Variants in INO80D observed in about 807,000 individuals in gnomAD.
INO80D encodes INO80 complex subunit D.
A neutral mutation model predicts 87.6 loss-of-function variants in INO80D; 21 were observed. That is an observed-to-expected ratio of 0.24 (90% CI 0.17 to 0.35). The LOEUF is 0.35. INO80D is among the 10% of genes least tolerant of loss of function. The pLI, the probability that INO80D is intolerant of heterozygous loss-of-function variation, is 1.00. For missense variants in INO80D, 982 were observed against 1,280.7 expected (o/e 0.77, Z 3.56); for synonymous variants, 440 against 491.0 (o/e 0.90, Z 1.37).
intron 8 of INO80D, among the ~76,000 whole-genome samples, chr2:206,013,686 C>T (rs934869475): frequency 2.6e-5 from 4 of 151,756 alleles, no homozygotes; most frequent in African/African-American, 9.7e-5. Flanking sequence ...AATGGTGGAA[C>T]TTTAAAATGA....
chr2:206,078,876 G>C (rs189147506), intron 1 of INO80D, among the ~76,000 whole-genome samples: 1 of 152,154 alleles, frequency 6.6e-6, no homozygotes, highest in Non-Finnish European at 1.5e-5. Context: ...CTGGGAGGCA[G>C]AGATTGCAGT....
chr2:206,025,237 A>G (rs1688572745), intron 6 of INO80D, among the ~76,000 whole-genome samples: 1 of 151,692 alleles, frequency 6.6e-6, no homozygotes, highest in Non-Finnish European at 1.5e-5. Context: ...ATATGAAAAT[A>G]TAATAACTGG....
intron 1 of INO80D, among the ~76,000 whole-genome samples, chr2:206,078,693 TC>T (rs1042620994): frequency 6.6e-6 from 1 of 152,084 alleles, no homozygotes; most frequent in Non-Finnish European, 1.5e-5. Context: ...ACGCCTGTAA[TC>T]CCAGCACTTT....
Position 206,084,156 on chromosome 2 carries a change from G to GT in INO80D, c.-124+1744dup, listed in dbSNP as rs538028585. Among the ~76,000 whole-genome samples the GT allele has an allele frequency of 2.0e-5, 3 of 151,206 alleles. No individual in the cohort carries two copies. The East Asian group carries it at 5.8e-4, about 29-fold the overall frequency. ...CCATTTAAACAGAAAACATACGTGT[G>GT]TGTGTATGAATATATATGTGTTTAT... is the stretch of plus-strand genomic sequence containing the variant. On this transcript the variant is annotated intron_variant, in intron 1 of 10. Coordinates refer to ENST00000403263, the MANE Select transcript of INO80D (RefSeq NM_017759.5).
rs115579295 is a variant in INO80D, at chr2:206,012,993, C to T, written c.1543-3199G>A. On this transcript the variant is annotated intron_variant, in intron 8 of 10. Coordinates refer to ENST00000403263, the MANE Select transcript of INO80D (RefSeq NM_017759.5). Reference sequence around the variant, plus strand: ...TATAGTCTCTTATGTAATTTTTAACCTAAAACAAAAATAGCTCAAACTACT... The same window carrying T: ...TATAGTCTCTTATGTAATTTTTAACTTAAAACAAAAATAGCTCAAACTACT... Among the ~76,000 whole-genome samples, 1,098 of 151,396 alleles carry T rather than the reference C, an allele frequency of 7.3e-3. 16 individuals are homozygous for T. The highest frequency in any genetic ancestry group is 0.025 in the African/African-American group (1,036 of 41,306).
chr2:206,019,158 T>C (rs1445583432), intron 7 of INO80D, among the ~76,000 whole-genome samples: 3 of 152,222 alleles, frequency 2.0e-5, no homozygotes, highest in African/African-American at 7.2e-5. Flanking sequence ...TGCTACCTGA[T>C]TTTAAATACT....
At chr2:206,010,253 C>G (rs1435678059) in intron 8 of INO80D, among the ~76,000 whole-genome samples, 5 of 150,856 alleles carry the variant, frequency 3.3e-5, no homozygotes, top group Non-Finnish European at 7.4e-5. Context: ...ACTGAAGAAC[C>G]GACCACAATT....
At chr2:206,077,424 A>G (rs1281460843) in intron 1 of INO80D, among the ~76,000 whole-genome samples, 2 of 152,146 alleles carry the variant, frequency 1.3e-5, no homozygotes, top group African/African-American at 4.8e-5. Context: ...TGTAGGACTA[A>G]AATACATTCT....
chr2:206,071,098 A>G (rs1167471544), intron 1 of INO80D, among the ~76,000 whole-genome samples: 1 of 151,618 alleles, frequency 6.6e-6, no homozygotes, highest in Non-Finnish European at 1.5e-5. Flanking sequence ...AGCGGGGATT[A>G]CAGGTGCATG....
At chr2:206,050,173 CTG>C (rs1440129602) in intron 4 of INO80D, among the ~76,000 whole-genome samples, 1 of 151,536 alleles carries the variant, frequency 6.6e-6, no homozygotes, top group South Asian at 2.1e-4. Flanking sequence ...AAAACTTTTT[CTG>C]TGTGTTTTCA....
intron 5 of INO80D, among the ~76,000 whole-genome samples, chr2:206,036,344 C>T (rs1004818563): frequency 6.6e-6 from 1 of 152,096 alleles, no homozygotes; most frequent in South Asian, 2.1e-4. Context: ...AACCCAAATG[C>T]CCATCAGTCA....
At chr2:206,050,151 T>C (rs1449873783) in intron 4 of INO80D, among the ~76,000 whole-genome samples, 4 of 150,022 alleles carry the variant, frequency 2.7e-5, no homozygotes, top group Non-Finnish European at 5.9e-5. Flanking sequence ...AAAAAAAAAA[T>C]TTAAAAGGCT....
At chr2:206,082,549 G>C (rs941024539) in intron 1 of INO80D, among the ~76,000 whole-genome samples, 3 of 152,160 alleles carry the variant, frequency 2.0e-5, no homozygotes, top group Non-Finnish European at 4.4e-5. Flanking sequence ...TGTTTGTTTT[G>C]CCTAGCACAG....
chr2:206,025,542 A>AAAAAAAAAAAAAAAAAAAAAAAAAAAAAT (rs71301548), intron 6 of INO80D: 1 of 76,936 alleles, frequency 1.3e-5, no homozygotes, highest in Non-Finnish European at 2.6e-5. Context: ...AAAAAAAAAA[A>AAAAAAAAAAAAAAAAAAAAAAAAAAAAAT]ATATATATAT....
rs763075672 is a variant in INO80D at position 206,009,786 on chromosome 2, G to T, written c.1551C>A (p.Phe517Leu). The part of the protein sequence containing the change: ...CEEHAKKMDN[F>L]LRGDNSRKVQ... ...CTTTACGGGAGTTATCTCCTCTCAA[G>T]AAATTATCCTTTGGAATGAATAAAT... Residue 517 changes from phenylalanine (F) to leucine (L), a missense_variant, in exon 9 of 11, where the codon TTC becomes TTA. By Grantham distance (22) the Phe-to-Leu change is conservative. Transcript: ENST00000403263. 6.2e-7 allele frequency: 1 copy of T among 1,609,646 alleles called. No individual in the cohort carries two copies. Among genetic ancestry groups the T allele is most frequent in the South Asian group, 1.1e-5 (1 of 90,276 alleles).
rs1687811294 is a variant in INO80D at position 205,996,502 on chromosome 2, C to G, written c.*7866G>C. On this transcript the variant is annotated 3_prime_UTR_variant, in exon 11 of 11. Transcript: ENST00000403263. ...GTATGTTCTGATGATGTACTCTAGA[C>G]TGTCACCTCCTCTGGCTTACAGAAT... is the stretch of plus-strand genomic sequence containing the variant. 6.6e-6 allele frequency: 1 copy of G among 151,998 alleles called. No homozygotes were observed. Among genetic ancestry groups the G allele is most frequent in the African/African-American group, 2.4e-5 (1 of 41,412 alleles). The allele number at this position is 151,998 out of a possible 1,614,324, so 9.4% of individuals were successfully genotyped here. A position where few individuals can be genotyped will look rare whatever the true frequency, so the allele number is the denominator to read the frequency against.
rs1687889849 is a variant in INO80D at position 206,000,452 on chromosome 2, T to C, written c.*3916A>G. ...GCATCAGCGGACTGACCACACGGCA[T>C]TTACTAGATATGCTCAAATTCTAAT... On this transcript the variant is annotated 3_prime_UTR_variant, in exon 11 of 11. Coordinates refer to ENST00000403263, the MANE Select transcript of INO80D (RefSeq NM_017759.5). The C allele has an allele frequency of 6.7e-6, 1 of 150,298 alleles. No homozygotes were observed. The highest frequency in any genetic ancestry group is 2.5e-5 in the African/African-American group (1 of 40,736). 9.3% of individuals were successfully genotyped at this position (150,298 alleles called of 1,614,324 possible). A position where few individuals can be genotyped will look rare whatever the true frequency, so the allele number is the denominator to read the frequency against.
chr2:206,010,445 C>T (rs1394649843), intron 8 of INO80D, among the ~76,000 whole-genome samples: 1 of 152,100 alleles, frequency 6.6e-6, no homozygotes, highest in South Asian at 2.1e-4. Flanking sequence ...TTTAAAAGCT[C>T]TTTAATAAGT....
chr2:206,027,741 C>T (rs1688655581), intron 6 of INO80D, among the ~76,000 whole-genome samples: 1 of 152,000 alleles, frequency 6.6e-6, no homozygotes, highest in African/African-American at 2.4e-5. Context: ...TGAAAAGAAA[C>T]TAAAATAACA....
Sources: allele counts gnomAD v4.1 joint callset (sites outside exome capture counted in the v4.1 genomes callset), GRCh38; gene constraint gnomAD v4.1.1; transcripts MANE v1.5; gene names NCBI Gene and HGNC (gene_info 2026-07-23, HGNC 2026-07-21).